The following WDR44 variants were observed in gnomAD, a reference collection of about 807,000 sequenced individuals.
The protein encoded by WDR44 is WD repeat-containing protein 44.
In WDR44, 9 loss-of-function variants were observed where a neutral mutation model predicts 65.7. The ratio of observed to expected loss-of-function variants is 0.14; its 90% CI spans 0.08 to 0.24. The LOEUF is 0.24. Ranked by LOEUF, WDR44 falls within the 10% of genes least tolerant of loss-of-function variation. The probability of loss-of-function intolerance (pLI) is 1.00; values close to 1 mark genes in which losing one functional copy is unlikely to be tolerated. For missense variants in WDR44, 425 were observed against 670.9 expected (o/e 0.63, Z 4.05); for synonymous variants, 220 against 235.2 (o/e 0.94, Z 0.59).
At chrX:118,434,314 A>G (rs7879035) in intron 13 of WDR44, among the ~76,000 whole-genome samples, 47,656 of 109,978 alleles carry the variant, frequency 0.43, 10,815 homozygotes, top group African/African-American at 0.86. Flanking sequence ...TTGACGATAC[A>G]AATATAGAAT....
intron 14 of WDR44, among the ~76,000 whole-genome samples, chrX:118,439,906 G>A (rs1385959338): frequency 1.8e-5 from 2 of 109,047 alleles, no homozygotes; most frequent in African/African-American, 6.7e-5. Flanking sequence ...GATCACTTGA[G>A]GCCAGGAGTT....
intron 9 of WDR44, 31 bp downstream of exon 9, chrX:118,404,475 A>G (rs767768662): frequency 9.6e-7 from 1 of 1,036,508 alleles, no homozygotes; most frequent in Admixed American, 2.8e-5. Flanking sequence ...TCAACTAAAC[A>G]TTCAATTAAT....
At chrX:118,362,427 A>G (rs2056519638) in intron 1 of WDR44, among the ~76,000 whole-genome samples, 1 of 112,101 alleles carries the variant, frequency 8.9e-6, no homozygotes, top group Non-Finnish European at 1.9e-5. Context: ...GTCAAATCAC[A>G]TATCTAGAGA....
At chrX:118,379,486 C>T (rs1027497646) in intron 2 of WDR44, among the ~76,000 whole-genome samples, 8 of 111,081 alleles carry the variant, frequency 7.2e-5, no homozygotes, top group Non-Finnish European at 1.5e-4. Context: ...GGTAACTACT[C>T]ATAGAAAAAC....
At chrX:118,401,042 G>A (rs1363054427) in intron 8 of WDR44, among the ~76,000 whole-genome samples, 3 of 64,674 alleles carry the variant, frequency 4.6e-5, no homozygotes, top group African/African-American at 2.1e-4. Flanking sequence ...GTGTATATGT[G>A]CCACATTTTC....
At position 118,393,166 on chromosome X, in the gene WDR44, A is replaced by G. The variant is rs1267694931; in HGVS notation, c.721A>G (p.Asn241Asp). ...TCCAGCACGCCCACCTCCTCCAACT[A>G]ATTTCCCACCTCCTAGACCCCCACC... ...PVPARPPPPT[N>D]FPPPRPPPPS... Residue 241 changes from asparagine (N) to aspartate (D), a missense_variant, in exon 4 of 20, where the codon AAT becomes GAT. By Grantham distance (23) the Asn-to-Asp change is conservative. Around this residue, in one of 5 missense-constraint regions of WDR44, gnomAD observed 193 missense variants for 209.0 expected, o/e 0.92. Coordinates refer to ENST00000254029, the MANE Select transcript of WDR44 (RefSeq NM_019045.5). 1.7e-6 allele frequency: 2 copies of G among 1,209,793 alleles called. No individual in the cohort carries two copies. The highest frequency in any genetic ancestry group is 2.2e-6 in the Non-Finnish European group (2 of 895,164).
chrX:118,446,475 CTG>C (rs1277480953), intron 19 of WDR44, among the ~76,000 whole-genome samples: 4 of 111,661 alleles, frequency 3.6e-5, no homozygotes, highest in African/African-American at 1.3e-4. Context: ...AGTTTATTGA[CTG>C]TATTGTCTCA....
rs1451403504 is a variant in WDR44 at position 118,444,280 on chromosome X, T to C, written c.2513-80T>C. The C allele has an allele frequency of 1.1e-5, 11 of 1,044,553 alleles. No individual in the cohort carries two copies. The Admixed American group carries it at 2.8e-4, about 27-fold the overall frequency. The allele number at this position is 1,044,553 out of a possible 1,213,427, so 86.1% of individuals were successfully genotyped here. A position where few individuals can be genotyped will look rare whatever the true frequency, so the allele number is the denominator to read the frequency against. On this transcript the variant is annotated intron_variant, in intron 18 of 19. Transcript: ENST00000254029. ...TTACTTCTATGTTAGTTTTTAAGGA[T>C]ATTTGGCATATAACATACACTATCG...
intron 14 of WDR44, among the ~76,000 whole-genome samples, chrX:118,438,348 A>G (rs980179781): frequency 8.9e-6 from 1 of 112,240 alleles, no homozygotes; most frequent in African/African-American, 3.2e-5. Context: ...ATCTTTCCAT[A>G]ACTATTTTAG....
rs1418174125 is a variant in WDR44, at chrX:118,392,656, A to G, written c.211A>G (p.Ser71Gly). ...GATTATTGAAAGTATTATTGAGGAG[A>G]GTCAGAAAGTACTACAGCTTGAAGA... is the stretch of plus-strand genomic sequence containing the variant. ...KKIIESIIEE[S>G]QKVLQLEDDS... Residue 71 changes from serine to glycine, a missense_variant, in exon 4 of 20, where the codon AGT (serine) becomes GGT (glycine). Transcript: ENST00000254029. The G allele has an allele frequency of 1.7e-6, 2 of 1,199,270 alleles. No homozygotes were observed. The highest frequency in any genetic ancestry group is 1.8e-5 in the South Asian group (1 of 54,927).
chrX:118,371,523 T>C (rs1188717560), intron 1 of WDR44, among the ~76,000 whole-genome samples: 1 of 111,920 alleles, frequency 8.9e-6, no homozygotes, highest in South Asian at 3.7e-4. Flanking sequence ...TTTACCATAT[T>C]TGTAATTAGT....
intron 1 of WDR44, among the ~76,000 whole-genome samples, chrX:118,360,075 GTAGTAGTCAACTTAAAATTAT>G (rs1249961184): frequency 8.9e-6 from 1 of 111,750 alleles, no homozygotes; most frequent in Non-Finnish European, 1.9e-5. Flanking sequence ...ATCACTTTTG[GTAGTAGTCAACTTAAAATTAT>G]TAGTAGTCAA....
Position 118,346,435 on chromosome X carries a change from G to C in WDR44, c.-69G>C. 2.0e-6 allele frequency: 2 copies of C among 997,867 alleles called. No individual in the cohort carries two copies. Among genetic ancestry groups the C allele is most frequent in the Non-Finnish European group, 2.8e-6 (2 of 704,672 alleles). 82.2% of individuals were successfully genotyped at this position (997,867 alleles called of 1,213,427 possible). ...CAGTCTCGCCCGGGTGGAGGTCGAC[G>C]AGGAGGAGACAAGAGTCACCCTTCC... On this transcript the variant is annotated 5_prime_UTR_variant, in exon 1 of 20. Transcript: ENST00000254029.
In WDR44 at chrX:118,346,656, C is replaced by T; in HGVS notation, c.77+76C>T. The T allele has an allele frequency of 1.3e-5, 11 of 819,072 alleles. No individual in the cohort carries two copies. The East Asian group carries it at 1.5e-4, about 11-fold the overall frequency. The allele number at this position is 819,072 out of a possible 1,213,427, so 67.5% of individuals were successfully genotyped here. A position where few individuals can be genotyped will look rare whatever the true frequency, so the allele number is the denominator to read the frequency against. On this transcript the variant is annotated intron_variant, in intron 1 of 19. Coordinates refer to ENST00000254029, the MANE Select transcript of WDR44 (RefSeq NM_019045.5). ...TCTCCTGTGTCTTCCCCCTACACCC[C>T]TCCCAGGTCCCGCTGTGTCCGCCAC...
At chrX:118,423,204 T>A (rs1480852256) in intron 12 of WDR44, among the ~76,000 whole-genome samples, 2 of 111,121 alleles carry the variant, frequency 1.8e-5, no homozygotes, top group Non-Finnish European at 3.8e-5. Flanking sequence ...GTTTCACTAT[T>A]GTTGCCTAGG....
chrX:118,437,889 A>G (rs1051166065), intron 14 of WDR44, among the ~76,000 whole-genome samples: 1 of 111,152 alleles, frequency 9.0e-6, no homozygotes, highest in African/African-American at 3.3e-5. Context: ...TACAAACGTT[A>G]GTCAGGCATG....
intron 1 of WDR44, among the ~76,000 whole-genome samples, chrX:118,369,686 T>C (rs915791815): frequency 1.8e-5 from 2 of 109,370 alleles, no homozygotes; most frequent in Admixed American, 2.0e-4. Context: ...GCCAGGATGG[T>C]CTCAATCTCC....
In WDR44 at chrX:118,346,343, C is replaced by T. The variant is rs1297895717; in HGVS notation, c.-161C>T. ...GAAGCCCGGCAACTGAGGGCGGCCC[C>T]CTTTCCTTAACAGTCTCCTCGCTAC... On this transcript the variant is annotated 5_prime_UTR_variant, in exon 1 of 20. Coordinates refer to ENST00000254029, the MANE Select transcript of WDR44 (RefSeq NM_019045.5). The T allele has an allele frequency of 2.2e-6, 1 of 453,106 alleles. No homozygotes were observed. The highest frequency in any genetic ancestry group is 4.0e-5 in the Admixed American group (1 of 24,880). 37.3% of individuals were successfully genotyped at this position (453,106 alleles called of 1,213,427 possible). A position where few individuals can be genotyped will look rare whatever the true frequency, so the allele number is the denominator to read the frequency against.
intron 12 of WDR44, among the ~76,000 whole-genome samples, chrX:118,424,058 C>T (rs925788630): frequency 1.8e-5 from 2 of 109,583 alleles, no homozygotes; most frequent in Non-Finnish European, 3.8e-5. Flanking sequence ...CTGCAGTGAA[C>T]ATGGGAGTTC....
Sources: gnomAD v4.1 joint callset for allele counts (sites outside exome capture counted in the v4.1 genomes callset) on GRCh38, gnomAD v4.1.1 for gene constraint, gnomAD v4.1.1 regional missense constraint, MANE v1.5 for transcripts, NCBI Gene and HGNC (gene_info 2026-07-23, HGNC 2026-07-21) for gene names.